The following AARS1 variants were observed in gnomAD, a reference collection of about 807,000 sequenced individuals.
AARS1 encodes the protein alanine--tRNA ligase, cytoplasmic.
A neutral mutation model predicts 108.9 loss-of-function variants in AARS1; 72 were observed. That is an observed-to-expected ratio of 0.66 (90% CI 0.55 to 0.80). AARS1 has a LOEUF of 0.80. Ranked by LOEUF, AARS1 falls within the 30% of genes least tolerant of loss-of-function variation. The probability of loss-of-function intolerance (pLI) is 0.00; values close to 1 mark genes in which losing one functional copy is unlikely to be tolerated. For synonymous variants in AARS1, 489 were observed against 465.7 expected, an observed-to-expected ratio of 1.05 and a Z score of -0.64; for missense variants, 1,193 against 1,233.2, an observed-to-expected ratio of 0.97 and a Z score of 0.49.
intron 17 of AARS1, 104 bp downstream of exon 17, chr16:70,254,517 T>C (rs571771312): frequency 4.3e-5 from 36 of 844,382 alleles, no homozygotes; most frequent in African/African-American, 4.1e-4. Flanking sequence ...CAAAGGCCCA[T>C]TCCACCAAGA....
At chr16:70,258,858 T>C (rs1960062001) in intron 14 of AARS1, 122 bp downstream of exon 14, 2 of 1,240,302 alleles carry the variant, frequency 1.6e-6, no homozygotes, top group Admixed American at 3.7e-5. Context: ...CCCAGCCTGC[T>C]TTAAGCAAAT....
chr16:70,281,067 T>G (rs1960685103), intron 2 of AARS1, among the ~76,000 whole-genome samples: 3 of 152,166 alleles, frequency 2.0e-5, no homozygotes, highest in South Asian at 4.1e-4. Context: ...TGGATTCAAG[T>G]GACCTATCTG....
chr16:70,258,493 C>T (rs1960049372), intron 14 of AARS1, among the ~76,000 whole-genome samples: 1 of 152,198 alleles, frequency 6.6e-6, no homozygotes, highest in Non-Finnish European at 1.5e-5. Flanking sequence ...GGACAAATGC[C>T]TCTCCCTCTC....
At position 70,266,109 on chromosome 16, in the gene AARS1, C is replaced by A. The variant is rs183437902; in HGVS notation, c.1223-447G>T. ...CGGGCGGATCAGGAGGTCAGGAGATCGAGACCATCTTGGCCAATACGGTGA... is the reference window on the plus strand; with the variant it reads ...CGGGCGGATCAGGAGGTCAGGAGATAGAGACCATCTTGGCCAATACGGTGA... On this transcript the variant is annotated intron_variant, in intron 9 of 20. Transcript: ENST00000261772. Among the ~76,000 whole-genome samples, 767 of 151,910 alleles carry A rather than the reference C, an allele frequency of 5.0e-3. 2 individuals are homozygous for A. The highest frequency in any genetic ancestry group is 8.7e-3 in the Non-Finnish European group (594 of 67,938).
intron 4 of AARS1, among the ~76,000 whole-genome samples, chr16:70,275,523 G>T (rs1356863791): frequency 6.6e-6 from 1 of 151,868 alleles, no homozygotes; most frequent in Non-Finnish European, 1.5e-5. Context: ...AGCACTTTGG[G>T]AGGCCGAGGC....
intron 14 of AARS1, 55 bp from the exon 15 acceptor site, chr16:70,258,272 C>T (rs766959020): frequency 2.7e-5 from 42 of 1,541,278 alleles, no homozygotes; most frequent in East Asian, 2.4e-4. Flanking sequence ...AGGTGCGGTA[C>T]GACGAGGCAG....
intron 6 of AARS1, 90 bp downstream of exon 6, chr16:70,270,106 C>T (rs1960361345): frequency 4.6e-6 from 7 of 1,508,898 alleles, no homozygotes; most frequent in Non-Finnish European, 6.4e-6. Context: ...GCTGGCAAAG[C>T]ATATGGTCAT....
chr16:70,273,648 G>C (rs987678031), intron 4 of AARS1, among the ~76,000 whole-genome samples: 1 of 151,646 alleles, frequency 6.6e-6, no homozygotes, highest in African/African-American at 2.4e-5. Flanking sequence ...CGATCATGAG[G>C]TCATGAGATC....
intron 15 of AARS1, among the ~76,000 whole-genome samples, chr16:70,257,736 A>G (rs1442069108): frequency 6.6e-6 from 1 of 152,188 alleles, no homozygotes; most frequent in Non-Finnish European, 1.5e-5. Context: ...AAATTCACAC[A>G]AGCCTTCTTG....
intron 11 of AARS1, among the ~76,000 whole-genome samples, chr16:70,263,134 G>C (rs529574653): frequency 2.0e-5 from 3 of 152,130 alleles, no homozygotes; most frequent in African/African-American, 7.2e-5. Context: ...TGGGACAATG[G>C]GTTACCCTAA....
At chr16:70,262,973 A>C (rs1471641875) in intron 11 of AARS1, among the ~76,000 whole-genome samples, 4 of 130,456 alleles carry the variant, frequency 3.1e-5, no homozygotes, top group Non-Finnish European at 6.2e-5. Context: ...GTCTCAAAAA[A>C]AAAAAAAAAA....
intron 4 of AARS1, among the ~76,000 whole-genome samples, chr16:70,273,285 A>G (rs1352823561): frequency 2.6e-5 from 4 of 152,222 alleles, no homozygotes; most frequent in Non-Finnish European, 5.9e-5. Context: ...AGCTGTCTAC[A>G]GAGGGCACAC....
intron 13 of AARS1, among the ~76,000 whole-genome samples, chr16:70,259,543 C>T (rs1447803077): frequency 2.0e-5 from 3 of 152,182 alleles, no homozygotes; most frequent in African/African-American, 4.8e-5. Context: ...AGTACAGCGG[C>T]GCGATTGTAG....
At chr16:70,269,982 TA>T (rs1960358168) in intron 6 of AARS1, among the ~76,000 whole-genome samples, 1 of 151,992 alleles carries the variant, frequency 6.6e-6, no homozygotes, top group African/African-American at 2.4e-5. Flanking sequence ...CTCACATTAT[TA>T]TTTTTTTTTT....
At chr16:70,287,864 C>G (rs1216962038) in intron 1 of AARS1, among the ~76,000 whole-genome samples, 1 of 152,102 alleles carries the variant, frequency 6.6e-6, no homozygotes, top group East Asian at 1.9e-4. Flanking sequence ...CTCCCGGCTT[C>G]AAGCGATTCT....
At chr16:70,260,355 C>A (rs1328127412) in intron 13 of AARS1, among the ~76,000 whole-genome samples, 1 of 152,134 alleles carries the variant, frequency 6.6e-6, no homozygotes, top group South Asian at 2.1e-4. Flanking sequence ...TGGGGCAGAG[C>A]CTCCGTATCA....
chr16:70,277,950 G>A (rs1439560658), intron 2 of AARS1, among the ~76,000 whole-genome samples: 3 of 151,772 alleles, frequency 2.0e-5, no homozygotes, highest in African/African-American at 4.8e-5. Context: ...ACAGGGTTTC[G>A]TCATGTTGGC....
intron 1 of AARS1, among the ~76,000 whole-genome samples, chr16:70,288,916 A>G (rs1960949062): frequency 6.6e-6 from 1 of 152,216 alleles, no homozygotes; most frequent in Non-Finnish European, 1.5e-5. Context: ...GCTGCTAAAT[A>G]CGTATTTCGT....
At chr16:70,286,690 A>G (rs1449787780) in intron 1 of AARS1, among the ~76,000 whole-genome samples, 1 of 151,084 alleles carries the variant, frequency 6.6e-6, no homozygotes, top group Non-Finnish European at 1.5e-5. Flanking sequence ...ACAACACAAC[A>G]AAAAATTAGC....
Sources: allele counts gnomAD v4.1 joint callset (sites outside exome capture counted in the v4.1 genomes callset), GRCh38; gene constraint gnomAD v4.1.1; transcripts MANE v1.5; gene names NCBI Gene and HGNC (gene_info 2026-07-23, HGNC 2026-07-21).